Variants in GRIN3A observed in about 807,000 individuals in gnomAD.
GRIN3A encodes the protein glutamate ionotropic receptor NMDA type subunit 3A.
Under a neutral mutation model 92.4 loss-of-function variants are expected in GRIN3A, and 47 were observed. That is an observed-to-expected ratio of 0.51 (90% CI 0.40 to 0.65). The LOEUF (loss-of-function observed/expected upper bound fraction) is 0.65, where lower values mean the gene tolerates loss of function less well. Among genes scored for constraint, GRIN3A ranks in the 30% least tolerant of loss-of-function variants. The pLI, the probability that GRIN3A is intolerant of heterozygous loss-of-function variation, is 0.00. For synonymous variants in GRIN3A, 527 were observed against 540.6 expected, an observed-to-expected ratio of 0.97 and a Z score of 0.35; for missense variants, 1,324 against 1,393.1, an observed-to-expected ratio of 0.95 and a Z score of 0.79.
chr9:101,596,086 C>G (rs1175815687), intron 6 of GRIN3A, among the ~76,000 whole-genome samples: 1 of 152,198 alleles, frequency 6.6e-6, no homozygotes, highest in Non-Finnish European at 1.5e-5. Context: ...CCTCAGGCCA[C>G]TACATCAAAC....
chr9:101,683,083 T>C (rs1209574951), intron 2 of GRIN3A, among the ~76,000 whole-genome samples: 1 of 152,246 alleles, frequency 6.6e-6, no homozygotes, highest in African/African-American at 2.4e-5. Context: ...CTACATTTAG[T>C]TATTATGGAC....
At chr9:101,649,400 A>T (rs1336771088) in intron 3 of GRIN3A, among the ~76,000 whole-genome samples, 3 of 151,922 alleles carry the variant, frequency 2.0e-5, no homozygotes, top group Admixed American at 6.6e-5. Context: ...TTTTGAATCC[A>T]ACTCACTCCA....
intron 1 of GRIN3A, among the ~76,000 whole-genome samples, chr9:101,728,228 T>G: frequency 6.6e-6 from 1 of 152,114 alleles, no homozygotes; most frequent in East Asian, 1.9e-4. Context: ...TTAACACAAC[T>G]TCTGTTTGGC....
chr9:101,573,029 G>A lies in GRIN3A; in HGVS notation c.*145C>T, dbSNP rs2118773346. 1.4e-6 allele frequency: 1 copy of A among 704,560 alleles called. No individual in the cohort carries two copies. The highest frequency in any genetic ancestry group is 1.6e-5 in the South Asian group (1 of 62,060). 43.6% of individuals were successfully genotyped at this position (704,560 alleles called of 1,614,324 possible). ...TGAGAGGAGCTGCTGCTGCACTTTA[G>A]GCGAGGGAGAGCAGACTTGACCTTT... On this transcript the variant is annotated 3_prime_UTR_variant, in exon 9 of 9. Coordinates refer to ENST00000361820, the MANE Select transcript of GRIN3A (RefSeq NM_133445.3).
At chr9:101,736,229 TTTTCTCAG>T (rs1368470384) in intron 1 of GRIN3A, among the ~76,000 whole-genome samples, 1 of 152,240 alleles carries the variant, frequency 6.6e-6, no homozygotes, top group African/African-American at 2.4e-5. Flanking sequence ...GTCCCCAGAC[TTTTCTCAG>T]TTTCTCAGTC....
At chr9:101,729,550 A>G (rs1830116262) in intron 1 of GRIN3A, among the ~76,000 whole-genome samples, 2 of 152,046 alleles carry the variant, frequency 1.3e-5, no homozygotes, top group Admixed American at 1.3e-4. Flanking sequence ...CCTCCTTCTT[A>G]TAAGAATCCT....
Position 101,670,558 on chromosome 9 carries a change from A to T in GRIN3A, c.1854T>A (p.Gly618=), listed in dbSNP as rs749469290. Residue 618 remains glycine, a synonymous_variant, in exon 3 of 9, where the codon GGT becomes GGA. Coordinates refer to ENST00000361820, the MANE Select transcript of GRIN3A (RefSeq NM_133445.3). Reference sequence around the variant, plus strand: ...TGTGGGCAGTCCCTCTCAGGAGATCACCCACTAGCCCAGTCCAGTGCCCAT... The same window carrying T: ...TGTGGGCAGTCCCTCTCAGGAGATCTCCCACTAGCCCAGTCCAGTGCCCAT... ...WKNGHWTGLV[G]DLLRGTAHMA... is the part of the protein sequence containing the mutation. 1 of 1,613,994 alleles carries T rather than the reference A, an allele frequency of 6.2e-7. No individual in the cohort carries two copies. The highest frequency in any genetic ancestry group is 1.7e-5 in the Admixed American group (1 of 59,978).
At chr9:101,643,507 T>G (rs1260118123) in intron 3 of GRIN3A, among the ~76,000 whole-genome samples, 1 of 151,824 alleles carries the variant, frequency 6.6e-6, no homozygotes, top group Non-Finnish European at 1.5e-5. Context: ...CTCAAAAAAC[T>G]AAAAATAGAA....
chr9:101,660,086 T>A (rs538620775), intron 3 of GRIN3A, among the ~76,000 whole-genome samples: 1 of 151,826 alleles, frequency 6.6e-6, no homozygotes, highest in Non-Finnish European at 1.5e-5. Context: ...CTGATCCATA[T>A]AAGACCCACT....
At chr9:101,604,761 G>A (rs748928712) in intron 6 of GRIN3A, among the ~76,000 whole-genome samples, 4 of 152,134 alleles carry the variant, frequency 2.6e-5, no homozygotes, top group African/African-American at 4.8e-5. Flanking sequence ...TTCCCTTTGA[G>A]TTTTTAATAT....
At chr9:101,653,263 A>T (rs1284941143) in intron 3 of GRIN3A, among the ~76,000 whole-genome samples, 1 of 151,922 alleles carries the variant, frequency 6.6e-6, no homozygotes, top group Non-Finnish European at 1.5e-5. Flanking sequence ...TAGTGCAAAA[A>T]TGCCTAGAAT....
At chr9:101,581,692 AG>A (rs955975143) in intron 6 of GRIN3A, among the ~76,000 whole-genome samples, 11 of 152,158 alleles carry the variant, frequency 7.2e-5, no homozygotes, top group Non-Finnish European at 4.4e-5. Context: ...TTCTTTATAA[AG>A]TACCCAGTCT....
intron 3 of GRIN3A, among the ~76,000 whole-genome samples, chr9:101,635,845 G>A (rs1012535696): frequency 6.6e-6 from 1 of 152,174 alleles, no homozygotes; most frequent in African/African-American, 2.4e-5. Context: ...GTAAGGCTGA[G>A]GTTATAAAAA....
chr9:101,616,302 C>T (rs996780817), intron 5 of GRIN3A, among the ~76,000 whole-genome samples: 5 of 152,180 alleles, frequency 3.3e-5, no homozygotes, highest in African/African-American at 1.2e-4. Flanking sequence ...AAGCTGATTA[C>T]TTCCTTCTAA....
At chr9:101,708,117 T>C (rs1005332589) in intron 1 of GRIN3A, among the ~76,000 whole-genome samples, 2 of 152,100 alleles carry the variant, frequency 1.3e-5, no homozygotes, top group African/African-American at 4.8e-5. Context: ...AGATGAAGAG[T>C]GCAAAATGAG....
chr9:101,669,863 GTC>G (rs1432234999), intron 3 of GRIN3A, among the ~76,000 whole-genome samples, 195 bp downstream of exon 3: 1 of 152,008 alleles, frequency 6.6e-6, no homozygotes, highest in African/African-American at 2.4e-5. Context: ...AAACTTCTCA[GTC>G]TTTTTGTTTC....
chr9:101,633,630 G>A (rs1303509508), intron 3 of GRIN3A, among the ~76,000 whole-genome samples: 1 of 152,138 alleles, frequency 6.6e-6, no homozygotes, highest in East Asian at 1.9e-4. Context: ...ATTCTCATAG[G>A]AGCATGAACC....
chr9:101,603,379 C>T lies in GRIN3A; in HGVS notation c.2766+9997G>A, dbSNP rs147565598. ...GAGAACATTTGTCAAGCCAGGTGTT[C>T]GCCATAAACGATCTCATTAAATATA... is the stretch of plus-strand genomic sequence containing the variant. On this transcript the variant is annotated intron_variant, in intron 6 of 8. Coordinates refer to ENST00000361820, the MANE Select transcript of GRIN3A (RefSeq NM_133445.3). Among the ~76,000 whole-genome samples, 682 of 152,218 alleles carry T rather than the reference C, an allele frequency of 4.5e-3. 12 individuals carry two copies. The highest frequency in any genetic ancestry group is 0.028 in the Admixed American group (425 of 15,280).
intron 6 of GRIN3A, among the ~76,000 whole-genome samples, chr9:101,581,742 T>C (rs979777777): frequency 1.3e-5 from 2 of 152,176 alleles, no homozygotes; most frequent in African/African-American, 2.4e-5. Context: ...GACAAAGATA[T>C]GCAGTGAGAG....
Sources: gnomAD v4.1 joint callset for allele counts (sites outside exome capture counted in the v4.1 genomes callset) on GRCh38, gnomAD v4.1.1 for gene constraint, MANE v1.5 for transcripts, NCBI Gene and HGNC (gene_info 2026-07-23, HGNC 2026-07-21) for gene names.